The following FMN2 variants were observed in gnomAD, a reference collection of about 807,000 sequenced individuals.
FMN2 encodes formin 2.
In FMN2, 51 loss-of-function variants were observed where a neutral mutation model predicts 142.3. That is an observed-to-expected ratio of 0.36 (90% CI 0.29 to 0.45). FMN2 has a LOEUF of 0.45. Among genes scored for constraint, FMN2 ranks in the 20% least tolerant of loss-of-function variants. The pLI, the probability that FMN2 is intolerant of heterozygous loss-of-function variation, is 1.00. For missense variants in FMN2, 1,936 were observed against 2,122.8 expected, an observed-to-expected ratio of 0.91 and a Z score of 1.73; for synonymous variants, 882 against 869.8, an observed-to-expected ratio of 1.01 and a Z score of -0.25.
Position 240,208,681 on chromosome 1 carries a change from G to T in FMN2, c.3869G>T (p.Cys1290Phe), listed in dbSNP as rs1165883412. Residue 1290 changes from cysteine (C) to phenylalanine (F), a missense_variant, in exon 5 of 18, where the codon TGT (cysteine) becomes TTT (phenylalanine). Cys to Phe is a radical substitution (Grantham distance 205). This residue lies in a region of FMN2 where 259 missense variants were observed against 230.9 expected (regional missense o/e 1.12). Transcript: ENST00000319653. ...KGSRKQPIEP[C>F]RPMKPLYWTR... The stretch of plus-strand genomic sequence containing the variant: ...AGTAGGAAGCAGCCCATAGAGCCTT[G>T]TCGACCAATGAAGCCTCTTTACTGG... 1.2e-6 allele frequency: 2 copies of T among 1,613,778 alleles called. No homozygotes were observed. The highest frequency in any genetic ancestry group is 2.2e-5 in the South Asian group (2 of 91,082).
At chr1:240,225,920 A>G (rs937378811) in intron 6 of FMN2, among the ~76,000 whole-genome samples, 10 of 152,210 alleles carry the variant, frequency 6.6e-5, no homozygotes, top group Admixed American at 5.2e-4. Flanking sequence ...AAAAATTACT[A>G]GATGATTTAA....
At chr1:240,115,318 A>G (rs1235634692) in intron 1 of FMN2, among the ~76,000 whole-genome samples, 1 of 152,050 alleles carries the variant, frequency 6.6e-6, no homozygotes, top group African/African-American at 2.4e-5. Context: ...TTAATAATCT[A>G]TTTGTTATAG....
chr1:240,116,294 A>T (rs889957600), intron 1 of FMN2, among the ~76,000 whole-genome samples: 4 of 152,186 alleles, frequency 2.6e-5, no homozygotes, highest in Non-Finnish European at 5.9e-5. Context: ...CCCTTCTTCC[A>T]TACTCTGTTA....
At chr1:240,253,939 G>C (rs1668363228) in intron 6 of FMN2, among the ~76,000 whole-genome samples, 1 of 152,146 alleles carries the variant, frequency 6.6e-6, no homozygotes, top group Admixed American at 6.5e-5. Flanking sequence ...AGTTTTGCTG[G>C]TGATGAGGAT....
At chr1:240,392,464 A>C in intron 14 of FMN2, 47 bp from the exon 15 acceptor site, 1 of 1,527,202 alleles carries the variant, frequency 6.5e-7, no homozygotes, top group Non-Finnish European at 9.0e-7. Context: ...AAATAGTGTA[A>C]CAACTTATCA....
At chr1:240,411,049 T>C (rs911956370) in intron 15 of FMN2, among the ~76,000 whole-genome samples, 1 of 117,474 alleles carries the variant, frequency 8.5e-6, no homozygotes, top group African/African-American at 3.2e-5. Context: ...TTTATCTTAC[T>C]CTTTCTTAGT....
rs554782027 is a variant in FMN2, at chr1:240,453,718, G to A, written c.5060+15508G>A. Among the ~76,000 whole-genome samples, 5 of 10,324 alleles carry A rather than the reference G, an allele frequency of 4.8e-4. 2 individuals carry two copies. Among genetic ancestry groups the A allele is most frequent in the South Asian group, 2.0e-3 (1 of 492 alleles). The allele number at this position is 10,324 out of a possible 152,430, so 6.8% of individuals were successfully genotyped here. On this transcript the variant is annotated intron_variant, in intron 16 of 17. Coordinates refer to ENST00000319653, the MANE Select transcript of FMN2 (RefSeq NM_020066.5). Reference sequence around the variant, plus strand: ...AAATGGAAGGCATAGGGCCGGGCGCGGTGGCTCACGCCTGTAATCCCAGCA... The same window carrying A: ...AAATGGAAGGCATAGGGCCGGGCGCAGTGGCTCACGCCTGTAATCCCAGCA...
At chr1:240,365,915 C>A (rs1672653983) in intron 14 of FMN2, among the ~76,000 whole-genome samples, 1 of 152,048 alleles carries the variant, frequency 6.6e-6, no homozygotes, top group African/African-American at 2.4e-5. Flanking sequence ...TAGCTAACAA[C>A]TGAGCACTCT....
intron 1 of FMN2, among the ~76,000 whole-genome samples, chr1:240,094,123 G>T (rs1027180689): frequency 6.6e-6 from 1 of 152,106 alleles, no homozygotes; most frequent in Non-Finnish European, 1.5e-5. Flanking sequence ...ATTGTTCATG[G>T]TTCTTTCGCA....
intron 14 of FMN2, among the ~76,000 whole-genome samples, chr1:240,374,940 G>A (rs190821176): frequency 6.6e-6 from 1 of 152,206 alleles, no homozygotes; most frequent in African/African-American, 2.4e-5. Flanking sequence ...AGCACTTAGA[G>A]GCCTGTACAG....
intron 8 of FMN2, among the ~76,000 whole-genome samples, chr1:240,299,503 C>A (rs1276122489): frequency 6.6e-6 from 1 of 151,976 alleles, no homozygotes; most frequent in Non-Finnish European, 1.5e-5. Flanking sequence ...AGAAGTGATA[C>A]CTTTACCATG....
chr1:240,306,684 A>G (rs1670420627), intron 8 of FMN2, among the ~76,000 whole-genome samples: 1 of 152,148 alleles, frequency 6.6e-6, no homozygotes, highest in Non-Finnish European at 1.5e-5. Flanking sequence ...CGTCTTTGCT[A>G]TTGCAAATAG....
intron 7 of FMN2, among the ~76,000 whole-genome samples, chr1:240,270,436 TTCTATGTTCATTG>T (rs1668961215): frequency 6.6e-6 from 1 of 152,106 alleles, no homozygotes; most frequent in South Asian, 2.1e-4. Flanking sequence ...ATGTCTATAC[TTCTATGTTCATTG>T]CAGCATTATT....
chr1:240,333,534 G>T (rs189843282), intron 11 of FMN2, among the ~76,000 whole-genome samples: 28 of 152,088 alleles, frequency 1.8e-4, no homozygotes, highest in African/African-American at 6.5e-4. Flanking sequence ...TTTTAATATA[G>T]TAGTTTTAAA....
At chr1:240,302,549 A>G (rs1670235221) in intron 8 of FMN2, among the ~76,000 whole-genome samples, 1 of 152,116 alleles carries the variant, frequency 6.6e-6, no homozygotes, top group Admixed American at 6.6e-5. Context: ...ATCTCCAGTG[A>G]AAAAGTTTGA....
At chr1:240,446,425 GAGC>G (rs1675818145) in intron 16 of FMN2, among the ~76,000 whole-genome samples, 3 of 152,288 alleles carry the variant, frequency 2.0e-5, no homozygotes, top group African/African-American at 7.2e-5. Context: ...TAAGGTATCT[GAGC>G]AGTTTTTAAT....
Position 240,272,845 on chromosome 1 carries a change from G to T in FMN2, c.4153+14813G>T, listed in dbSNP as rs146411236. ...TCACGGTCAAACATGAATACAGCGAGATCTTTATTTTCTCAGCCAAATACC... is the reference window on the plus strand; with the variant it reads ...TCACGGTCAAACATGAATACAGCGATATCTTTATTTTCTCAGCCAAATACC... On this transcript the variant is annotated intron_variant, in intron 7 of 17. Coordinates refer to ENST00000319653, the MANE Select transcript of FMN2 (RefSeq NM_020066.5). Among the ~76,000 whole-genome samples the T allele has an allele frequency of 8.5e-5, 13 of 152,252 alleles. No individual in the cohort carries two copies. In the East Asian group the frequency reaches 2.1e-3, roughly 25 times the overall value.
intron 15 of FMN2, among the ~76,000 whole-genome samples, chr1:240,420,191 T>A (rs192715015): frequency 6.6e-6 from 1 of 152,266 alleles, no homozygotes; most frequent in Non-Finnish European, 1.5e-5. Context: ...ATGCATTCTT[T>A]ATGGCCTCTG....
chr1:240,235,416 G>GA (rs536524485), intron 6 of FMN2, among the ~76,000 whole-genome samples: 1 of 147,198 alleles, frequency 6.8e-6, no homozygotes, highest in Non-Finnish European at 1.5e-5. Flanking sequence ...TTAATTTTTT[G>GA]TTTTTTTTTT....
Sources: gnomAD v4.1 joint callset for allele counts (sites outside exome capture counted in the v4.1 genomes callset) on GRCh38, gnomAD v4.1.1 for gene constraint, gnomAD v4.1.1 regional missense constraint, MANE v1.5 for transcripts, NCBI Gene and HGNC (gene_info 2026-07-23, HGNC 2026-07-21) for gene names.